FANCC: variants seen among roughly 807,000 people sequenced by gnomAD.
FANCC encodes FA complementation group C, also known as Fanconi anemia group C protein.
FANCC carries 55 observed loss-of-function variants against 71.3 expected under a neutral mutation model. The observed-to-expected ratio is 0.77, with a 90% CI of 0.62 to 0.97. FANCC has a LOEUF of 0.97. FANCC is among the 50% of genes least tolerant of loss of function. The pLI is 0.00. For missense variants in FANCC, 678 were observed against 670.9 expected, an observed-to-expected ratio of 1.01 and a Z score of -0.12; for synonymous variants, 275 against 244.9, an observed-to-expected ratio of 1.12 and a Z score of -1.15.
chr9:95,110,943 A>G (rs893130904), intron 13 of FANCC: 1 of 1,342,990 alleles, frequency 7.4e-7, no homozygotes, highest in Non-Finnish European at 9.6e-7. Flanking sequence ...TCAGAAGCAA[A>G]GTGGTTAATA....
In FANCC at chr9:95,126,517, T is replaced by TC; in HGVS notation, c.896+11_896+12insG. On this transcript the variant is annotated intron_variant, in intron 9 of 14. Transcript: ENST00000289081. Reference sequence around the variant, plus strand: ...TTACATCAATTACTAGAAGAAACAGTGTAACGTTTACCTGAACATCTCATC... The same window carrying TC: ...TTACATCAATTACTAGAAGAAACAGTCGTAACGTTTACCTGAACATCTCATC... 6.2e-7 allele frequency: 1 copy of TC among 1,612,940 alleles called. No individual in the cohort carries two copies. The highest frequency in any genetic ancestry group is 8.5e-7 in the Non-Finnish European group (1 of 1,178,996).
At chr9:95,233,836 A>G (rs1363944912) in intron 4 of FANCC, among the ~76,000 whole-genome samples, 1 of 152,188 alleles carries the variant, frequency 6.6e-6, no homozygotes, top group Non-Finnish European at 1.5e-5. Context: ...TATTTCACAA[A>G]TGTACTCACA....
At chr9:95,159,765 G>GCATTTCTCT (rs1830644202) in intron 6 of FANCC, among the ~76,000 whole-genome samples, 1 of 152,152 alleles carries the variant, frequency 6.6e-6, no homozygotes, top group African/African-American at 2.4e-5. Flanking sequence ...GTTTTGATTT[G>GCATTTCTCT]CATTTCTCTC....
chr9:95,239,880 A>G (rs1830533690), intron 4 of FANCC, among the ~76,000 whole-genome samples: 1 of 152,240 alleles, frequency 6.6e-6, no homozygotes, highest in Non-Finnish European at 1.5e-5. Flanking sequence ...ATTTCATAAT[A>G]CTAAGCAGCT....
intron 4 of FANCC, among the ~76,000 whole-genome samples, chr9:95,176,658 A>C (rs548208703): frequency 6.6e-6 from 1 of 152,376 alleles, no homozygotes; most frequent in African/African-American, 2.4e-5. Flanking sequence ...AATTCAATTC[A>C]GCAAAGTTTC....
At chr9:95,214,982 TAATA>T (rs1319665122) in intron 4 of FANCC, among the ~76,000 whole-genome samples, 1 of 152,162 alleles carries the variant, frequency 6.6e-6, no homozygotes, top group Non-Finnish European at 1.5e-5. Context: ...ATGGTTAAGA[TAATA>T]AATTTTATAT....
In FANCC at chr9:95,204,905, G is replaced by A. The variant is rs570381095; in HGVS notation, c.346-32758C>T. Among the ~76,000 whole-genome samples the A allele has an allele frequency of 3.3e-5, 5 of 152,260 alleles. No individual in the cohort carries two copies. In the South Asian group the frequency reaches 1.0e-3, roughly 32 times the overall value. ...AATGGAACGTACCATAGAACAAAGG[G>A]AGCCCAAAATAGCTTCAAAATACCA... On this transcript the variant is annotated intron_variant, in intron 4 of 14. Coordinates refer to ENST00000289081, the MANE Select transcript of FANCC (RefSeq NM_000136.3).
At chr9:95,220,652 G>A (rs1055572891) in intron 4 of FANCC, among the ~76,000 whole-genome samples, 2 of 152,068 alleles carry the variant, frequency 1.3e-5, no homozygotes, top group African/African-American at 4.8e-5. Flanking sequence ...CTCACTCATA[G>A]GTGGGAATTG....
intron 6 of FANCC, among the ~76,000 whole-genome samples, chr9:95,168,392 G>A (rs553201831): frequency 4.7e-4 from 71 of 152,210 alleles, no homozygotes; most frequent in African/African-American, 1.6e-3. Context: ...GCTTTCTTTT[G>A]TTCTCCATGG....
At chr9:95,108,302 TCA>T (rs2071618044) in intron 13 of FANCC, among the ~76,000 whole-genome samples, 1 of 152,224 alleles carries the variant, frequency 6.6e-6, no homozygotes. Context: ...AGGGCAGGCC[TCA>T]CTCTCCCCAC....
intron 4 of FANCC, among the ~76,000 whole-genome samples, chr9:95,206,002 T>C (rs1828100010): frequency 6.6e-6 from 1 of 152,196 alleles, no homozygotes; most frequent in Non-Finnish European, 1.5e-5. Flanking sequence ...CAAAATATCC[T>C]ACCGGTCATT....
At chr9:95,310,258 T>G (rs1360451763) in intron 1 of FANCC, among the ~76,000 whole-genome samples, 1 of 152,038 alleles carries the variant, frequency 6.6e-6, no homozygotes, top group African/African-American at 2.4e-5. Flanking sequence ...TCCTAGTTAC[T>G]CAGGTGGCTG....
Position 95,194,859 on chromosome 9 carries a change from T to TG in FANCC, c.346-22713dup, listed in dbSNP as rs1827328164. Among the ~76,000 whole-genome samples the TG allele has an allele frequency of 3.3e-5, 5 of 152,166 alleles. No individual in the cohort carries two copies. The South Asian group carries it at 1.0e-3, about 32-fold the overall frequency. ...AGTTTTGATGAGGTCCTAACACAGT[T>TG]GATTTTTCTTTTTACATATTATGCT... On this transcript the variant is annotated intron_variant, in intron 4 of 14. Transcript: ENST00000289081.
chr9:95,260,652 C>A (rs1328431763), intron 1 of FANCC, among the ~76,000 whole-genome samples: 1 of 139,420 alleles, frequency 7.2e-6, no homozygotes, highest in African/African-American at 2.7e-5. Context: ...AACAAACCTG[C>A]ACATTCTGCA....
intron 4 of FANCC, among the ~76,000 whole-genome samples, chr9:95,235,591 T>C (rs1830270340): frequency 6.6e-6 from 1 of 152,066 alleles, no homozygotes; most frequent in African/African-American, 2.4e-5. Flanking sequence ...ACGCCTGTAA[T>C]CCCAGCACTT....
At chr9:95,191,580 C>T (rs546012180) in intron 4 of FANCC, among the ~76,000 whole-genome samples, 2 of 152,188 alleles carry the variant, frequency 1.3e-5, no homozygotes, top group African/African-American at 4.8e-5. Context: ...ATATATGCAA[C>T]TAGCTTGCCT....
At chr9:95,261,700 G>C (rs1832060479) in intron 1 of FANCC, among the ~76,000 whole-genome samples, 1 of 152,312 alleles carries the variant, frequency 6.6e-6, no homozygotes, top group Middle Eastern at 3.4e-3. Flanking sequence ...CCCTCAGTAA[G>C]TATTTCCAGG....
In FANCC at chr9:95,142,820, G is replaced by A. The variant is rs146599768; in HGVS notation, c.686+7103C>T. 3.4e-4 allele frequency among the ~76,000 whole-genome samples: 52 copies of A among 152,278 alleles called. No individual in the cohort carries two copies. In the South Asian group the frequency reaches 5.0e-3, roughly 15 times the overall value. On this transcript the variant is annotated intron_variant, in intron 7 of 14. Coordinates refer to ENST00000289081, the MANE Select transcript of FANCC (RefSeq NM_000136.3). ...GTATGTCAGTCACTCCCACTACTTA[G>A]AAGCTGTTTTTACTCACAGAGCACT...
chr9:95,210,864 CTCTA>C (rs1049311588), intron 4 of FANCC, among the ~76,000 whole-genome samples: 9 of 152,252 alleles, frequency 5.9e-5, no homozygotes, highest in African/African-American at 1.9e-4. Flanking sequence ...ATTCCATAAA[CTCTA>C]TCTATATACT....
Sources: gnomAD v4.1 joint callset for allele counts (sites outside exome capture counted in the v4.1 genomes callset) on GRCh38, gnomAD v4.1.1 for gene constraint, MANE v1.5 for transcripts, NCBI Gene and HGNC (gene_info 2026-07-23, HGNC 2026-07-21) for gene names.